JAZF1: variants seen among roughly 807,000 people sequenced by gnomAD.
The protein encoded by JAZF1 is JAZF zinc finger 1, also known as juxtaposed with another zinc finger protein 1.
In JAZF1, 8 loss-of-function variants were observed where a neutral mutation model predicts 26.4. The ratio of observed to expected loss-of-function variants is 0.30; its 90% CI spans 0.18 to 0.55. The LOEUF is 0.55. Ranked by LOEUF, JAZF1 falls within the 20% of genes least tolerant of loss-of-function variation. The pLI is 0.94. For synonymous variants in JAZF1, 126 were observed against 122.3 expected (o/e 1.03, Z -0.20); for missense variants, 199 against 322.0 (o/e 0.62, Z 2.92).
At chr7:27,845,696 C>CA (rs796643520) in intron 3 of JAZF1, among the ~76,000 whole-genome samples, 537 of 50,900 alleles carry the variant, frequency 0.011, 3 homozygotes, top group African/African-American at 0.033. Flanking sequence ...GACTCTGCCT[C>CA]AAAAAAAAAA....
intron 2 of JAZF1, among the ~76,000 whole-genome samples, chr7:27,981,731 C>T (rs966126730): frequency 3.9e-5 from 6 of 152,052 alleles, no homozygotes; most frequent in African/African-American, 1.2e-4. Context: ...TGCCTATAGA[C>T]GGCTATAATA....
chr7:28,065,325 G>A (rs1210869544), intron 1 of JAZF1, among the ~76,000 whole-genome samples: 1 of 152,048 alleles, frequency 6.6e-6, no homozygotes, highest in Non-Finnish European at 1.5e-5. Flanking sequence ...GAGAAGCGGG[G>A]AGGCGCCTCA....
intron 2 of JAZF1, among the ~76,000 whole-genome samples, chr7:27,971,758 T>C (rs1183579702): frequency 6.6e-6 from 1 of 152,174 alleles, no homozygotes; most frequent in Non-Finnish European, 1.5e-5. Context: ...ATTTTGTAAA[T>C]GTGTATGGTG....
intron 2 of JAZF1, among the ~76,000 whole-genome samples, chr7:27,943,182 C>G (rs1357476869): frequency 2.0e-5 from 3 of 152,160 alleles, no homozygotes; most frequent in Admixed American, 1.3e-4. Context: ...TAGAAGGGGA[C>G]TGTCTCAAGT....
chr7:27,939,285 T>C (rs1784807129), intron 2 of JAZF1, among the ~76,000 whole-genome samples: 1 of 152,316 alleles, frequency 6.6e-6, no homozygotes, highest in South Asian at 2.1e-4. Context: ...TCAGCAAAGA[T>C]GAACTGATAG....
Position 27,991,935 on chromosome 7 carries a change from G to A in JAZF1, c.162C>T (p.Thr54=), listed in dbSNP as rs1785911570. 6.2e-7 allele frequency: 1 copy of A among 1,605,326 alleles called. No homozygotes were observed. Among genetic ancestry groups the A allele is most frequent in the East Asian group, 2.2e-5 (1 of 44,772 alleles). Residue 54 remains threonine, a synonymous_variant, in exon 2 of 5, where the codon ACC becomes ACT. Transcript: ENST00000283928. The part of the protein sequence containing the change: ...VLEKQELQQP[T]YVALSYINRF... The stretch of plus-strand genomic sequence containing the variant: ...TATTTATGTAACTCAGGGCAACATA[G>A]GTTGGCTGCTGTAATTCTTGTTTTT...
At chr7:28,124,865 G>A (rs1350552623) in intron 1 of JAZF1, among the ~76,000 whole-genome samples, 1 of 152,132 alleles carries the variant, frequency 6.6e-6, no homozygotes, top group Non-Finnish European at 1.5e-5. Flanking sequence ...CTGTTTAAAT[G>A]CAACTACCCA....
At chr7:28,031,111 A>G (rs562651977) in intron 1 of JAZF1, among the ~76,000 whole-genome samples, 1 of 152,308 alleles carries the variant, frequency 6.6e-6, no homozygotes, top group Non-Finnish European at 1.5e-5. Flanking sequence ...TGAGTCCTCT[A>G]AAGCTAAAAA....
rs1018584263 is a variant in JAZF1, at chr7:28,025,989, C to T, written c.116-34008G>A. 2.0e-5 allele frequency among the ~76,000 whole-genome samples: 3 copies of T among 152,128 alleles called. No homozygotes were observed. In the East Asian group the frequency reaches 5.8e-4, roughly 29 times the overall value. On this transcript the variant is annotated intron_variant, in intron 1 of 4. Coordinates refer to ENST00000283928, the MANE Select transcript of JAZF1 (RefSeq NM_175061.4). ...TAATTCATTGTCCAAACTATTGGGA[C>T]ACAGTGAAAGGGAGTGTTATTAATA...
intron 2 of JAZF1, among the ~76,000 whole-genome samples, chr7:27,907,210 TTATAAAACAG>T (rs1784274022): frequency 1.3e-5 from 2 of 152,236 alleles, no homozygotes; most frequent in Admixed American, 6.5e-5. Context: ...GGGGTCCTCC[TTATAAAACAG>T]AGGTAATCCT....
intron 1 of JAZF1, among the ~76,000 whole-genome samples, chr7:28,070,001 C>T (rs1024784350): frequency 9.9e-5 from 15 of 152,162 alleles, no homozygotes; most frequent in South Asian, 4.1e-4. Context: ...GGATGCCTTT[C>T]TCTCCCTGCT....
At position 27,913,501 on chromosome 7, in the gene JAZF1, G is replaced by A. The variant is rs746965089; in HGVS notation, c.189-18085C>T. 3.5e-5 allele frequency: 12 copies of A among 345,866 alleles called. No homozygotes were observed. In the Admixed American group the frequency reaches 5.2e-4, roughly 15 times the overall value. 21.4% of individuals were successfully genotyped at this position (345,866 alleles called of 1,614,324 possible). A position where few individuals can be genotyped will look rare whatever the true frequency, so the allele number is the denominator to read the frequency against. ...AACAAAGAGACCCCACGTGAACAGAGCTTGGTGGGAGGGGCGCTGCGGAGC... is the reference window on the plus strand; with the variant it reads ...AACAAAGAGACCCCACGTGAACAGAACTTGGTGGGAGGGGCGCTGCGGAGC... On this transcript the variant is annotated intron_variant, in intron 2 of 4. Coordinates refer to ENST00000283928, the MANE Select transcript of JAZF1 (RefSeq NM_175061.4).
At chr7:28,101,500 A>AG (rs1237006991) in intron 1 of JAZF1, among the ~76,000 whole-genome samples, 1 of 145,620 alleles carries the variant, frequency 6.9e-6, no homozygotes, top group African/African-American at 2.5e-5. Context: ...GCACTTTGAG[A>AG]GGTTGAGGTA....
intron 1 of JAZF1, among the ~76,000 whole-genome samples, chr7:28,097,574 G>A (rs1784405046): frequency 6.6e-6 from 1 of 152,176 alleles, no homozygotes; most frequent in African/African-American, 2.4e-5. Context: ...TAAGTGAATG[G>A]ACCTACATTG....
At chr7:28,146,345 C>A (rs187553150) in intron 1 of JAZF1, among the ~76,000 whole-genome samples, 31 of 152,338 alleles carry the variant, frequency 2.0e-4, no homozygotes, top group Admixed American at 2.0e-3. Context: ...ATTTAGGGAA[C>A]AGTGATATAC....
At chr7:27,916,129 T>C (rs1478880769) in intron 2 of JAZF1, among the ~76,000 whole-genome samples, 1 of 152,148 alleles carries the variant, frequency 6.6e-6, no homozygotes, top group Non-Finnish European at 1.5e-5. Flanking sequence ...AAGTCAGTAG[T>C]GGCTTGATCA....
At position 27,880,257 on chromosome 7, in the gene JAZF1, C is replaced by A. The variant is rs569212664; in HGVS notation, c.385+14963G>T. Among the ~76,000 whole-genome samples the A allele has an allele frequency of 2.4e-4, 37 of 151,192 alleles. No individual in the cohort carries two copies. The South Asian group carries it at 7.7e-3, about 32-fold the overall frequency. ...CAAGAAACACATATTTGTTGGAAAG[C>A]AAAAAAGGGAAGGAAAAAAAATCCT... On this transcript the variant is annotated intron_variant, in intron 3 of 4. Transcript: ENST00000283928.
chr7:28,033,087 T>C (rs138580500), intron 1 of JAZF1, among the ~76,000 whole-genome samples: 1 of 152,318 alleles, frequency 6.6e-6, no homozygotes, highest in East Asian at 1.9e-4. Flanking sequence ...ATGGTCTATG[T>C]TACTTAAGCA....
Position 28,068,253 on chromosome 7 carries a change from A to G in JAZF1, c.116-76272T>C, listed in dbSNP as rs551447627. 3.2e-3 allele frequency among the ~76,000 whole-genome samples: 462 copies of G among 146,114 alleles called. 2 individuals are homozygous for G. The highest frequency in any genetic ancestry group is 5.4e-3 in the Non-Finnish European group (362 of 66,900). ...TTTTTTTTTCATAAAGACAATTTGTAGTACTTTCAAGTGTGCCAAAAACTG... is the reference window on the plus strand; with the variant it reads ...TTTTTTTTTCATAAAGACAATTTGTGGTACTTTCAAGTGTGCCAAAAACTG... On this transcript the variant is annotated intron_variant, in intron 1 of 4. Transcript: ENST00000283928.
Sources: gnomAD v4.1 joint callset for allele counts (sites outside exome capture counted in the v4.1 genomes callset) on GRCh38, gnomAD v4.1.1 for gene constraint, MANE v1.5 for transcripts, NCBI Gene and HGNC (gene_info 2026-07-23, HGNC 2026-07-21) for gene names.